The following NAV2 variants were observed in gnomAD, a reference collection of about 807,000 sequenced individuals.
The protein encoded by NAV2 is neuron navigator 2.
A neutral mutation model predicts 223.2 loss-of-function variants in NAV2; 54 were observed. That is an observed-to-expected ratio of 0.24 (90% CI 0.19 to 0.30). NAV2 has a LOEUF of 0.30. NAV2 is among the 10% of genes least tolerant of loss of function. The probability of loss-of-function intolerance (pLI) is 1.00; values close to 1 mark genes in which losing one functional copy is unlikely to be tolerated. For missense variants in NAV2, 2,806 were observed against 3,147.5 expected, an observed-to-expected ratio of 0.89 and a Z score of 2.60; for synonymous variants, 1,279 against 1,239.3, an observed-to-expected ratio of 1.03 and a Z score of -0.67.
At chr11:19,973,928 G>A (rs1233906768) in intron 10 of NAV2, among the ~76,000 whole-genome samples, 2 of 152,198 alleles carry the variant, frequency 1.3e-5, no homozygotes, top group African/African-American at 4.8e-5. Flanking sequence ...AGGCCGGTAG[G>A]CATTTAACTA....
chr11:19,984,142 G>A lies in NAV2; in HGVS notation c.2663G>A (p.Gly888Glu). 1 of 1,614,172 alleles carries A rather than the reference G, an allele frequency of 6.2e-7. No homozygotes were observed. ...TTTTAAAGATACATGACTGATGGTG[G>A]ACTTGGCCTCTATACCCGTCGCCTG... Reference protein sequence around the residue: ...DITSGYMTDGGLGLYTRRLNR... With the variant: ...DITSGYMTDGELGLYTRRLNR... Residue 888 changes from glycine to glutamate, a missense_variant, in exon 11 of 38, where the codon GGA (glycine) becomes GAA (glutamate). By Grantham distance (98) the Gly-to-Glu change is moderately conservative. Around this residue, in one of 4 missense-constraint regions of NAV2, gnomAD observed 1,167 missense variants for 1,180.5 expected, o/e 0.99. Coordinates refer to ENST00000349880, the MANE Select transcript of NAV2 (RefSeq NM_145117.5).
At chr11:19,354,762 G>T (rs572615374) in intron 1 of NAV2, among the ~76,000 whole-genome samples, 2 of 152,218 alleles carry the variant, frequency 1.3e-5, no homozygotes, top group Non-Finnish European at 2.9e-5. Flanking sequence ...GCTGGTATAA[G>T]GGGATGTCTC....
At chr11:19,462,666 A>T (rs978683426) in intron 1 of NAV2, among the ~76,000 whole-genome samples, 8 of 152,246 alleles carry the variant, frequency 5.3e-5, no homozygotes, top group African/African-American at 1.2e-4. Context: ...TGAGGACCTA[A>T]CACCCAGAAT....
rs564840150 is a variant in NAV2, at chr11:19,994,407, C to T, written c.2768+10160C>T. On this transcript the variant is annotated intron_variant, in intron 11 of 37. Transcript: ENST00000349880. The stretch of plus-strand genomic sequence containing the variant: ...ACTAAAAATACAAAAATTAGCTGGG[C>T]GTGGTGGCGGGCGCCTGTAATCCCA... Among the ~76,000 whole-genome samples, 16 of 152,188 alleles carry T rather than the reference C, an allele frequency of 1.1e-4. No individual in the cohort carries two copies. The South Asian group carries it at 1.5e-3, about 14-fold the overall frequency.
At chr11:19,358,570 C>T (rs1195947218) in intron 1 of NAV2, among the ~76,000 whole-genome samples, 6 of 152,222 alleles carry the variant, frequency 3.9e-5, no homozygotes, top group Admixed American at 2.0e-4. Flanking sequence ...CACAGTGAGA[C>T]TTGAGGGACA....
intron 1 of NAV2, among the ~76,000 whole-genome samples, chr11:19,730,285 C>G (rs2051636431): frequency 6.6e-6 from 1 of 152,212 alleles, no homozygotes; most frequent in African/African-American, 2.4e-5. Context: ...TGTCAACAAT[C>G]CAGCCTTCAG....
At chr11:19,574,214 T>C (rs1250951035) in intron 1 of NAV2, among the ~76,000 whole-genome samples, 3 of 152,224 alleles carry the variant, frequency 2.0e-5, no homozygotes, top group Non-Finnish European at 2.9e-5. Flanking sequence ...TAATCATGCT[T>C]ACCTCCCAAA....
intron 1 of NAV2, among the ~76,000 whole-genome samples, chr11:19,608,593 A>C (rs531875459): frequency 3.3e-5 from 5 of 152,264 alleles, no homozygotes; most frequent in Non-Finnish European, 7.3e-5. Flanking sequence ...AGATAGCCAT[A>C]TGCCATATGG....
At chr11:19,649,651 A>T (rs2047911334) in intron 1 of NAV2, among the ~76,000 whole-genome samples, 1 of 152,046 alleles carries the variant, frequency 6.6e-6, no homozygotes, top group African/African-American at 2.4e-5. Context: ...CCTCCCAAAG[A>T]CCCCAGCTCC....
chr11:19,639,410 C>T (rs1042162471), intron 1 of NAV2, among the ~76,000 whole-genome samples: 6 of 152,226 alleles, frequency 3.9e-5, no homozygotes, highest in African/African-American at 1.4e-4. Flanking sequence ...CCACCATCAC[C>T]ATAACTATTT....
chr11:19,624,741 TG>T (rs766745031), intron 1 of NAV2, among the ~76,000 whole-genome samples: 3 of 152,138 alleles, frequency 2.0e-5, no homozygotes, highest in Non-Finnish European at 4.4e-5. Context: ...GGCTCACGCT[TG>T]GTGAGCTGCA....
chr11:19,572,533 A>G (rs751538244), intron 1 of NAV2, among the ~76,000 whole-genome samples: 19 of 152,190 alleles, frequency 1.2e-4, no homozygotes, highest in Non-Finnish European at 1.9e-4. Flanking sequence ...ATTTTGGGGA[A>G]ACAGCATGGC....
chr11:19,366,907 G>A (rs1848304279), intron 1 of NAV2, among the ~76,000 whole-genome samples: 2 of 152,174 alleles, frequency 1.3e-5, no homozygotes, highest in South Asian at 2.1e-4. Flanking sequence ...CAGTTTAGGA[G>A]ATGCTATGAT....
intron 1 of NAV2, among the ~76,000 whole-genome samples, chr11:19,520,155 C>T (rs573122441): frequency 4.6e-5 from 7 of 152,200 alleles, no homozygotes; most frequent in Admixed American, 6.5e-5. Flanking sequence ...CACGCTCAGG[C>T]AGCCACTGAC....
chr11:19,698,231 T>G (rs997811457), intron 1 of NAV2, among the ~76,000 whole-genome samples: 1 of 152,208 alleles, frequency 6.6e-6, no homozygotes, highest in Non-Finnish European at 1.5e-5. Flanking sequence ...GGAAGCTCAC[T>G]TTTCTCATCT....
chr11:19,975,557 C>A (rs72916879), intron 10 of NAV2, among the ~76,000 whole-genome samples: 1 of 152,204 alleles, frequency 6.6e-6, no homozygotes, highest in Non-Finnish European at 1.5e-5. Flanking sequence ...GACACACAAA[C>A]CTTGGTAGCC....
At chr11:19,847,216 G>T (rs2060858207) in intron 3 of NAV2, among the ~76,000 whole-genome samples, 1 of 152,202 alleles carries the variant, frequency 6.6e-6, no homozygotes, top group African/African-American at 2.4e-5. Flanking sequence ...CAGGACATTG[G>T]GGGCATTGGC....
intron 10 of NAV2, among the ~76,000 whole-genome samples, chr11:19,969,483 T>C (rs1192331012): frequency 6.6e-6 from 1 of 152,218 alleles, no homozygotes; most frequent in East Asian, 1.9e-4. Context: ...ATGCATAAAA[T>C]ATACATACAC....
At chr11:19,648,383 C>G (rs760690330) in intron 1 of NAV2, among the ~76,000 whole-genome samples, 3 of 152,124 alleles carry the variant, frequency 2.0e-5, no homozygotes, top group Non-Finnish European at 4.4e-5. Flanking sequence ...ATATTTACAC[C>G]ACAGCAATTG....
Sources: gnomAD v4.1 joint callset for allele counts (sites outside exome capture counted in the v4.1 genomes callset) on GRCh38, gnomAD v4.1.1 for gene constraint, gnomAD v4.1.1 regional missense constraint, MANE v1.5 for transcripts, NCBI Gene and HGNC (gene_info 2026-07-23, HGNC 2026-07-21) for gene names.